The following FBXO34 variants were observed in gnomAD, a reference collection of about 807,000 sequenced individuals.
The protein encoded by FBXO34 is F-box protein 34.
In FBXO34, 12 loss-of-function variants were observed where a neutral mutation model predicts 24.5. The ratio of observed to expected loss-of-function variants is 0.49; its 90% CI spans 0.31 to 0.79. The LOEUF is 0.79. Among genes scored for constraint, FBXO34 ranks in the 30% least tolerant of loss-of-function variants. The pLI is 0.04. For synonymous variants in FBXO34, 320 were observed against 311.9 expected (o/e 1.03, Z -0.27); for missense variants, 823 against 857.7 (o/e 0.96, Z 0.51).
At chr14:55,341,089 C>T (rs947913355) in intron 1 of FBXO34, among the ~76,000 whole-genome samples, 2 of 152,092 alleles carry the variant, frequency 1.3e-5, no homozygotes, top group South Asian at 2.1e-4. Context: ...ATCACTGCAG[C>T]GGGGTCTTGC....
chr14:55,301,130 G>C (rs1431550720), intron 1 of FBXO34, among the ~76,000 whole-genome samples: 1 of 152,104 alleles, frequency 6.6e-6, no homozygotes, highest in Admixed American at 6.5e-5. Flanking sequence ...CAGCTCTGTA[G>C]GACAATGTTA....
chr14:55,288,566 A>G (rs2139670117), intron 1 of FBXO34, among the ~76,000 whole-genome samples: 1 of 152,330 alleles, frequency 6.6e-6, no homozygotes, highest in South Asian at 2.1e-4. Context: ...AGAAATCCTC[A>G]TTTTATTTCA....
At chr14:55,288,220 T>C (rs1301864212) in intron 1 of FBXO34, among the ~76,000 whole-genome samples, 2 of 152,212 alleles carry the variant, frequency 1.3e-5, no homozygotes, top group East Asian at 1.9e-4. Flanking sequence ...TCTTTTGGCA[T>C]TGGTGTGAGA....
chr14:55,411,941 C>A, the FBXO34 span: 14 of 917,204 alleles, frequency 1.5e-5, no homozygotes, highest in Non-Finnish European at 2.1e-5. Flanking sequence ...CGGACCCCTC[C>A]GCCGCCGCGT....
At chr14:55,324,292 A>G (rs1029571704) in intron 1 of FBXO34, among the ~76,000 whole-genome samples, 2 of 152,228 alleles carry the variant, frequency 1.3e-5, no homozygotes, top group African/African-American at 2.4e-5. Flanking sequence ...GGCTGAATTA[A>G]TATTCCATTG....
intron 1 of FBXO34, among the ~76,000 whole-genome samples, chr14:55,308,013 C>T (rs1015453199): frequency 2.0e-5 from 3 of 152,128 alleles, no homozygotes; most frequent in Non-Finnish European, 1.5e-5. Context: ...CTGTTCTCCT[C>T]GTGGTAATAA....
chr14:55,393,661 C>A, the FBXO34 span, among the ~76,000 whole-genome samples: 1 of 151,800 alleles, frequency 6.6e-6, no homozygotes, highest in Non-Finnish European at 1.5e-5. Flanking sequence ...CCTCCCACCT[C>A]AACCTCCCAA....
chr14:55,396,455 T>C, the FBXO34 span, among the ~76,000 whole-genome samples: 1 of 152,274 alleles, frequency 6.6e-6, no homozygotes, highest in African/African-American at 2.4e-5. Flanking sequence ...GTTTCTCTAA[T>C]ACAGAATATC....
intron 1 of FBXO34, among the ~76,000 whole-genome samples, chr14:55,312,748 G>T (rs929388603): frequency 6.6e-6 from 1 of 152,234 alleles, no homozygotes; most frequent in Non-Finnish European, 1.5e-5. Flanking sequence ...TTTCACCCCA[G>T]TGGGGATGCG....
chr14:55,313,104 T>C (rs2139751346), intron 1 of FBXO34, among the ~76,000 whole-genome samples: 1 of 152,348 alleles, frequency 6.6e-6, no homozygotes, highest in South Asian at 2.1e-4. Flanking sequence ...CTGAATGCTT[T>C]TAAGAGCATC....
At chr14:55,322,654 C>A (rs1883180165) in intron 1 of FBXO34, among the ~76,000 whole-genome samples, 1 of 152,026 alleles carries the variant, frequency 6.6e-6, no homozygotes, top group African/African-American at 2.4e-5. Flanking sequence ...GGAAATTAAC[C>A]TTTTGTGCAT....
chr14:55,311,036 A>G (rs1043645813), intron 1 of FBXO34, among the ~76,000 whole-genome samples: 2 of 152,214 alleles, frequency 1.3e-5, no homozygotes, highest in African/African-American at 2.4e-5. Flanking sequence ...GCATGTTGCA[A>G]TTTACATATT....
chr14:55,297,126 C>T (rs1015212695), intron 1 of FBXO34, among the ~76,000 whole-genome samples: 5 of 152,094 alleles, frequency 3.3e-5, no homozygotes, highest in Admixed American at 6.6e-5. Context: ...AAGATGGAGC[C>T]GCCATTTTGA....
chr14:55,294,216 TTAC>T (rs1335819775), intron 1 of FBXO34, among the ~76,000 whole-genome samples: 2 of 152,160 alleles, frequency 1.3e-5, no homozygotes, highest in South Asian at 4.1e-4. Context: ...ATTGTCTCTC[TTAC>T]TACCAGAATG....
chr14:55,413,986 ACAACTC>A, the FBXO34 span: 1 of 522,400 alleles, frequency 1.9e-6, no homozygotes, highest in Admixed American at 2.0e-5. Flanking sequence ...GGCCAAAGGA[ACAACTC>A]CATCTTTTCT....
At chr14:55,440,616 T>C in the FBXO34 span, 365 of 1,471,142 alleles carry the variant, frequency 2.5e-4, no homozygotes, top group Non-Finnish European at 3.3e-5. Flanking sequence ...GAGAGAAGCG[T>C]TGGGCGATGG....
At chr14:55,346,052 C>G (rs1368772856) in intron 1 of FBXO34, among the ~76,000 whole-genome samples, 4 of 152,098 alleles carry the variant, frequency 2.6e-5, no homozygotes, top group African/African-American at 4.8e-5. Flanking sequence ...AGGAAATGAA[C>G]ATTTGTAGGT....
the FBXO34 span, among the ~76,000 whole-genome samples, chr14:55,376,827 A>G: frequency 6.6e-6 from 1 of 152,218 alleles, no homozygotes; most frequent in Non-Finnish European, 1.5e-5. Context: ...AGAGCAAGGA[A>G]AAAAGGGCAA....
the FBXO34 span, among the ~76,000 whole-genome samples, chr14:55,409,919 T>A: frequency 6.6e-6 from 1 of 152,220 alleles, no homozygotes; most frequent in Non-Finnish European, 1.5e-5. Flanking sequence ...TAAGTTTATG[T>A]CTCTGGTAGA....
Sources: allele counts gnomAD v4.1 joint callset (sites outside exome capture counted in the v4.1 genomes callset), GRCh38; gene constraint gnomAD v4.1.1; transcripts MANE v1.5; gene names NCBI Gene and HGNC (gene_info 2026-07-23, HGNC 2026-07-21).